PCDHA9: variants seen among roughly 807,000 people sequenced by gnomAD.
PCDHA9 encodes protocadherin alpha 9, also known as protocadherin alpha-9.
Under a neutral mutation model 62.0 loss-of-function variants are expected in PCDHA9, and 62 were observed. The observed-to-expected ratio is 1.00, with a 90% CI of 0.81 to 1.23. The LOEUF (loss-of-function observed/expected upper bound fraction) is 1.23. Ranked by LOEUF, PCDHA9 falls within the 50% of genes most tolerant of loss-of-function variation. PCDHA9 has a pLI of 0.00. For missense variants in PCDHA9, 1,205 were observed against 1,249.8 expected (o/e 0.96, Z 0.54); for synonymous variants, 557 against 567.6 (o/e 0.98, Z 0.27).
intron 1 of PCDHA9, among the ~76,000 whole-genome samples, chr5:140,951,495 G>A (rs1554219919): frequency 1.3e-5 from 2 of 151,958 alleles, no homozygotes; most frequent in African/African-American, 4.8e-5. Context: ...ATGGTGGAAG[G>A]CAAAAGGAAA....
intron 1 of PCDHA9, chr5:140,870,246 C>T (rs782184125): frequency 1.9e-6 from 3 of 1,614,168 alleles, no homozygotes; most frequent in South Asian, 2.2e-5. Flanking sequence ...CAGGTGTCAA[C>T]GGACAGGTGA....
intron 1 of PCDHA9, among the ~76,000 whole-genome samples, chr5:140,969,822 G>C (rs559271640): frequency 2.0e-5 from 3 of 152,202 alleles, no homozygotes; most frequent in Non-Finnish European, 4.4e-5. Context: ...ACTCTGGACT[G>C]TCTACAGTGG....
chr5:140,857,100 T>G (rs782765383), intron 1 of PCDHA9: 1 of 1,597,740 alleles, frequency 6.3e-7, no homozygotes. Context: ...GAGGTGATTG[T>G]CACTTCTCTG....
chr5:140,873,995 GT>G (rs1354813199), intron 1 of PCDHA9, among the ~76,000 whole-genome samples: 2 of 152,166 alleles, frequency 1.3e-5, no homozygotes, highest in African/African-American at 4.8e-5. Context: ...AGCATGTATG[GT>G]ACATTGACCA....
At chr5:140,918,279 G>A (rs1554198513) in intron 1 of PCDHA9, among the ~76,000 whole-genome samples, 1 of 152,078 alleles carries the variant, frequency 6.6e-6, no homozygotes, top group African/African-American at 2.4e-5. Context: ...TCAGATGTAG[G>A]AGCTTTTTGG....
At chr5:140,906,709 GC>G (rs1228410148) in intron 1 of PCDHA9, among the ~76,000 whole-genome samples, 7 of 152,190 alleles carry the variant, frequency 4.6e-5, no homozygotes, top group African/African-American at 1.4e-4. Context: ...TTGTAGTCCT[GC>G]CTGGATTGTG....
chr5:141,005,499 C>T (rs1399657712), intron 3 of PCDHA9, among the ~76,000 whole-genome samples: 1 of 151,380 alleles, frequency 6.6e-6, no homozygotes, highest in Non-Finnish European at 1.5e-5. Context: ...GTCAGGAGAT[C>T]GAGACCATCC....
intron 1 of PCDHA9, among the ~76,000 whole-genome samples, chr5:140,919,974 TAG>T (rs2153555647): frequency 7.5e-6 from 1 of 134,116 alleles, no homozygotes; most frequent in African/African-American, 2.6e-5. Context: ...AAATAAGAGA[TAG>T]AAGATGGAAA....
chr5:140,940,265 C>T (rs782351194), intron 1 of PCDHA9, among the ~76,000 whole-genome samples: 1 of 152,116 alleles, frequency 6.6e-6, no homozygotes, highest in Non-Finnish European at 1.5e-5. Flanking sequence ...CTTCTGGGTT[C>T]CACTGTTGTC....
rs148479176 is a variant in PCDHA9, at chr5:140,884,341, G to A, written c.2394+33452G>A. 6.0e-4 allele frequency: 973 copies of A among 1,613,910 alleles called. 19 individuals carry two copies. In the South Asian group the frequency reaches 7.4e-3, roughly 12 times the overall value. On this transcript the variant is annotated intron_variant, in intron 1 of 3. Transcript: ENST00000532602. ...CGGCAGGCGCTGTGGGTCCAGAAGC[G>A]GCGCTGGTGGATGTCAATGTTTACT...
Position 140,946,631 on chromosome 5 carries a change from T to TATATATATATATATATATATATACAC in PCDHA9, c.2395-32317_2395-32316insTATATATATATATATATATATACACA, listed in dbSNP as rs57893927. Among the ~76,000 whole-genome samples, 213 of 131,752 alleles carry TATATATATATATATATATATATACAC rather than the reference T, an allele frequency of 1.6e-3. 5 individuals carry two copies. The highest frequency in any genetic ancestry group is 6.6e-3 in the African/African-American group (188 of 28,632). The allele number at this position is 131,752 out of a possible 152,430, so 86.4% of individuals were successfully genotyped here. A position where few individuals can be genotyped will look rare whatever the true frequency, so the allele number is the denominator to read the frequency against. Reference sequence around the variant, plus strand: ...TGTGAAATATATATATATATATATATACAATGGAATACTCATCAGCCATTA... The same window carrying TATATATATATATATATATATATACAC: ...TGTGAAATATATATATATATATATATATATATATATATATATATATATACACACAATGGAATACTCATCAGCCATTA... On this transcript the variant is annotated intron_variant, in intron 1 of 3. Transcript: ENST00000532602.
intron 1 of PCDHA9, among the ~76,000 whole-genome samples, chr5:140,913,101 T>C (rs1352707377): frequency 5.9e-5 from 9 of 152,200 alleles, no homozygotes; most frequent in Non-Finnish European, 1.0e-4. Flanking sequence ...ACTGGCCTCA[T>C]AGAATCAGTT....
At chr5:140,853,944 G>C (rs2042918286) in intron 1 of PCDHA9, 1 of 814,184 alleles carries the variant, frequency 1.2e-6, no homozygotes, top group Non-Finnish European at 1.5e-6. Context: ...CAAGGTGGGA[G>C]GGTCCCTTCC....
chr5:140,884,125 C>T (rs1554181246), intron 1 of PCDHA9: 1 of 1,613,416 alleles, frequency 6.2e-7, no homozygotes, highest in Admixed American at 1.7e-5. Context: ...TCGGCGCGCG[C>T]ATCCCGTTCC....
chr5:140,934,925 A>G (rs2090105619), intron 1 of PCDHA9, among the ~76,000 whole-genome samples: 1 of 152,196 alleles, frequency 6.6e-6, no homozygotes, highest in African/African-American at 2.4e-5. Context: ...ATTCACATAA[A>G]GTTACAAAAC....
intron 1 of PCDHA9, chr5:140,871,198 C>A: frequency 6.2e-7 from 1 of 1,613,730 alleles, no homozygotes; most frequent in Non-Finnish European, 8.5e-7. Flanking sequence ...CAACGTGTAC[C>A]TGATCATCGC....
At chr5:141,003,962 C>G (rs2098144287) in intron 3 of PCDHA9, among the ~76,000 whole-genome samples, 1 of 152,098 alleles carries the variant, frequency 6.6e-6, no homozygotes, top group Non-Finnish European at 1.5e-5. Context: ...ACCCTGGGAG[C>G]ATAAGGGAGG....
At chr5:140,872,049 T>A (rs2053460307) in intron 1 of PCDHA9, among the ~76,000 whole-genome samples, 1 of 152,248 alleles carries the variant, frequency 6.6e-6, no homozygotes, top group African/African-American at 2.4e-5. Context: ...ATTCTCCCAC[T>A]TCAGCCTCCA....
intron 2 of PCDHA9, among the ~76,000 whole-genome samples, chr5:140,981,575 A>G (rs2096938835): frequency 1.3e-5 from 2 of 152,152 alleles, no homozygotes; most frequent in African/African-American, 4.8e-5. Flanking sequence ...CTTTGTCTCA[A>G]AAATAAATAA....
Sources: allele counts gnomAD v4.1 joint callset (sites outside exome capture counted in the v4.1 genomes callset), GRCh38; gene constraint gnomAD v4.1.1; transcripts MANE v1.5; gene names NCBI Gene and HGNC (gene_info 2026-07-23, HGNC 2026-07-21).